Variants in SSH2 observed in about 807,000 individuals in gnomAD.
SSH2 encodes slingshot protein phosphatase 2, also known as protein phosphatase Slingshot homolog 2.
In SSH2, 37 loss-of-function variants were observed where a neutral mutation model predicts 135.2. That is an observed-to-expected ratio of 0.27 (90% CI 0.21 to 0.36). The LOEUF (loss-of-function observed/expected upper bound fraction) is 0.36. SSH2 is among the 10% of genes least tolerant of loss of function. The pLI is 1.00. For missense variants in SSH2, 1,408 were observed against 1,765.3 expected, an observed-to-expected ratio of 0.80 and a Z score of 3.63; for synonymous variants, 628 against 646.2, an observed-to-expected ratio of 0.97 and a Z score of 0.43.
chr17:29,737,098 C>CAAAA (rs59098464), intron 3 of SSH2, among the ~76,000 whole-genome samples: 2 of 63,402 alleles, frequency 3.2e-5, no homozygotes, highest in African/African-American at 5.1e-5. Context: ...GACTCTGTCT[C>CAAAA]AAAAAAAAAA....
At chr17:29,719,385 G>A (rs1352780184) in intron 3 of SSH2, among the ~76,000 whole-genome samples, 2 of 151,928 alleles carry the variant, frequency 1.3e-5, no homozygotes, top group Admixed American at 6.6e-5. Context: ...GGTGGCTCAC[G>A]CCTGTAATCC....
intron 3 of SSH2, among the ~76,000 whole-genome samples, chr17:29,749,722 C>T (rs1043094728): frequency 6.6e-6 from 1 of 151,976 alleles, no homozygotes; most frequent in African/African-American, 2.4e-5. Flanking sequence ...ATTTTAAAAA[C>T]TTATTTTTTC....
chr17:29,924,449 C>T (rs1167055969), intron 1 of SSH2, among the ~76,000 whole-genome samples: 4 of 152,110 alleles, frequency 2.6e-5, no homozygotes, highest in African/African-American at 7.2e-5. Flanking sequence ...TAAAAATATA[C>T]CACACTCAAT....
intron 5 of SSH2, among the ~76,000 whole-genome samples, chr17:29,691,648 G>A (rs1438830216): frequency 2.0e-5 from 3 of 151,566 alleles, no homozygotes; most frequent in African/African-American, 7.3e-5. Context: ...CTGCCACCAC[G>A]CCCGGCTAAT....
Position 29,659,365 on chromosome 17 carries a change from A to T in SSH2, c.1033-3758T>A, listed in dbSNP as rs142264829. ...ACTTTCCCCACAGCCTCTCCAATAA[A>T]CTGTGGTTAAGCTTTTGAATTTTTG... is the stretch of plus-strand genomic sequence containing the variant. On this transcript the variant is annotated intron_variant, in intron 11 of 15. Transcript: ENST00000540801. Among the ~76,000 whole-genome samples the T allele has an allele frequency of 2.2e-3, 337 of 152,190 alleles. 4 individuals are homozygous for T. The highest frequency in any genetic ancestry group is 0.018 in the Admixed American group (274 of 15,260).
At chr17:29,795,569 G>A (rs1260235140) in intron 2 of SSH2, among the ~76,000 whole-genome samples, 1 of 152,054 alleles carries the variant, frequency 6.6e-6, no homozygotes, top group Non-Finnish European at 1.5e-5. Context: ...AACCTGGAAA[G>A]TTTGCAAGAA....
rs115680480 is a variant in SSH2, at chr17:29,830,982, G to C, written c.144+17867C>G. Among the ~76,000 whole-genome samples, 305 of 152,296 alleles carry C rather than the reference G, an allele frequency of 2.0e-3. 1 individual carries two copies. The highest frequency in any genetic ancestry group is 7.1e-3 in the African/African-American group (295 of 41,560). On this transcript the variant is annotated intron_variant, in intron 2 of 15. Transcript: ENST00000540801. Reference sequence around the variant, plus strand: ...GTCCTGGGCATAACTTTGCATAGTAGAATTTAAATTATTACTACACAGCAA... The same window carrying C: ...GTCCTGGGCATAACTTTGCATAGTACAATTTAAATTATTACTACACAGCAA...
chr17:29,831,267 G>A (rs1214950887), intron 2 of SSH2, among the ~76,000 whole-genome samples: 1 of 152,082 alleles, frequency 6.6e-6, no homozygotes, highest in Admixed American at 6.6e-5. Flanking sequence ...TAACCTATAC[G>A]CTACTCAGTT....
chr17:29,686,935 A>G (rs930932036), intron 5 of SSH2, among the ~76,000 whole-genome samples: 1 of 152,192 alleles, frequency 6.6e-6, no homozygotes, highest in African/African-American at 2.4e-5. Context: ...TCAGCCTCCC[A>G]AAGTGGTGGG....
chr17:29,923,609 G>C (rs1433223011), intron 1 of SSH2, among the ~76,000 whole-genome samples: 3 of 149,760 alleles, frequency 2.0e-5, no homozygotes, highest in Non-Finnish European at 3.0e-5. Context: ...AACAGAGTGA[G>C]ATCCTGCCTC....
At chr17:29,922,597 CA>C (rs1221800628) in intron 1 of SSH2, among the ~76,000 whole-genome samples, 2 of 152,056 alleles carry the variant, frequency 1.3e-5, no homozygotes, top group Non-Finnish European at 2.9e-5. Flanking sequence ...CAATAAAATA[CA>C]AATCAAACCA....
At chr17:29,852,473 T>C (rs77538212) in intron 1 of SSH2, among the ~76,000 whole-genome samples, 69 of 152,032 alleles carry the variant, frequency 4.5e-4, no homozygotes, top group African/African-American at 1.7e-3. Context: ...ACATATTTAG[T>C]TCTAAATTAA....
chr17:29,793,573 A>G (rs1432022406), intron 3 of SSH2: 3 of 196,166 alleles, frequency 1.5e-5, no homozygotes, highest in East Asian at 1.1e-4. Context: ...TTTTAAACCA[A>G]TGTACCATTG....
Position 29,695,479 on chromosome 17 carries a change from G to T in SSH2, c.337C>A (p.Pro113Thr), listed in dbSNP as rs764605339. ...CTTACCAGCCTGATGTTGTCTTCTG[G>T]GCGGAGTAAAATGAACATTGCTTGG... ...HLQAMFILLRPEDNIRLAVRL... is the reference protein window; with the variant it reads ...HLQAMFILLRTEDNIRLAVRL... The change falls in exon 5 of 16, where the codon CCA (proline) becomes ACA (threonine). Residue 113 changes from proline to threonine, a missense_variant. Around this residue, in one of 3 missense-constraint regions of SSH2, gnomAD observed 222 missense variants for 355.6 expected, o/e 0.62. Coordinates refer to ENST00000540801, the MANE Select transcript of SSH2 (RefSeq NM_001282129.2). 1.9e-6 allele frequency: 3 copies of T among 1,612,296 alleles called. No homozygotes were observed. Among genetic ancestry groups the T allele is most frequent in the Non-Finnish European group, 2.5e-6 (3 of 1,179,328 alleles).
At chr17:29,841,872 G>C (rs1470854042) in intron 2 of SSH2, among the ~76,000 whole-genome samples, 1 of 148,632 alleles carries the variant, frequency 6.7e-6, no homozygotes, top group Non-Finnish European at 1.5e-5. Context: ...GACTATAGGA[G>C]TACACCACCC....
intron 3 of SSH2, among the ~76,000 whole-genome samples, chr17:29,760,601 C>T (rs906211724): frequency 2.6e-5 from 4 of 152,032 alleles, no homozygotes; most frequent in Non-Finnish European, 4.4e-5. Flanking sequence ...TGAGCACGTA[C>T]CAGTAGTACA....
rs913568384 is a variant in SSH2, at chr17:29,907,357, G to A, written c.63+22581C>T. On this transcript the variant is annotated intron_variant, in intron 1 of 15. Transcript: ENST00000540801. The stretch of plus-strand genomic sequence containing the variant: ...ACACACACTGGGGCCTGTTGGGGGT[G>A]GAGTGGGGGGAGGGAGAACATCAGG... 7.2e-5 allele frequency among the ~76,000 whole-genome samples: 11 copies of A among 152,006 alleles called. 1 individual carries two copies. The highest frequency in any genetic ancestry group is 3.9e-4 in the Admixed American group (6 of 15,260).
intron 1 of SSH2, among the ~76,000 whole-genome samples, chr17:29,909,143 T>C (rs2066718706): frequency 6.6e-6 from 1 of 152,164 alleles, no homozygotes; most frequent in Non-Finnish European, 1.5e-5. Context: ...CTATACTCTA[T>C]CCTACTGTAA....
chr17:29,921,376 T>C (rs956164942), intron 1 of SSH2, among the ~76,000 whole-genome samples: 1 of 152,132 alleles, frequency 6.6e-6, no homozygotes, highest in African/African-American at 2.4e-5. Flanking sequence ...CACTTAAACA[T>C]TTTTATACAA....
Sources: allele counts gnomAD v4.1 joint callset (sites outside exome capture counted in the v4.1 genomes callset), GRCh38; gene constraint gnomAD v4.1.1; regional missense constraint gnomAD v4.1.1; transcripts MANE v1.5; gene names NCBI Gene and HGNC (gene_info 2026-07-23, HGNC 2026-07-21).